The following TEX26 variants were observed in gnomAD, a reference collection of about 807,000 sequenced individuals.
TEX26 encodes testis expressed 26.
A neutral mutation model predicts 35.3 loss-of-function variants in TEX26; 34 were observed. That is an observed-to-expected ratio of 0.96 (90% CI 0.73 to 1.28). The LOEUF (loss-of-function observed/expected upper bound fraction) is 1.28, where lower values mean the gene tolerates loss of function less well. Among genes scored for constraint, TEX26 ranks in the 50% most tolerant of loss-of-function variants. The probability of loss-of-function intolerance (pLI) is 0.00; values close to 1 mark genes in which losing one functional copy is unlikely to be tolerated. For synonymous variants in TEX26, 136 were observed against 111.8 expected (o/e 1.22, Z -1.36); for missense variants, 371 against 330.1 (o/e 1.12, Z -0.96).
intron 4 of TEX26, among the ~76,000 whole-genome samples, chr13:30,957,496 C>A (rs974825679): frequency 6.6e-6 from 1 of 152,158 alleles, no homozygotes; most frequent in Non-Finnish European, 1.5e-5. Context: ...GAGTTCATCC[C>A]AGAAGCAATT....
rs562630509 is a variant in TEX26 at position 30,937,213 on chromosome 13, C to A, written c.62-2481C>A. 2.6e-5 allele frequency among the ~76,000 whole-genome samples: 4 copies of A among 152,240 alleles called. No homozygotes were observed. In the East Asian group the frequency reaches 7.7e-4, roughly 29 times the overall value. Reference sequence around the variant, plus strand: ...TCCGTCAGACTCCTGATCCAGGCACCTGGCAATTGGTGACCCCAGCTGCCA... The same window carrying A: ...TCCGTCAGACTCCTGATCCAGGCACATGGCAATTGGTGACCCCAGCTGCCA... On this transcript the variant is annotated intron_variant, in intron 1 of 6. Coordinates refer to ENST00000380473, the MANE Select transcript of TEX26 (RefSeq NM_152325.3).
At chr13:30,936,471 C>T (rs1953276181) in intron 1 of TEX26, among the ~76,000 whole-genome samples, 1 of 152,214 alleles carries the variant, frequency 6.6e-6, no homozygotes, top group African/African-American at 2.4e-5. Context: ...CAAACATCTA[C>T]TAAATTAAAT....
At chr13:30,942,043 G>A (rs1378749222) in intron 2 of TEX26, among the ~76,000 whole-genome samples, 1 of 152,112 alleles carries the variant, frequency 6.6e-6, no homozygotes, top group Admixed American at 6.5e-5. Context: ...GGCATTGCTG[G>A]ATCAAACGAT....
chr13:30,974,236 G>C (rs191657407), intron 6 of TEX26, among the ~76,000 whole-genome samples: 23 of 150,520 alleles, frequency 1.5e-4, no homozygotes, highest in African/African-American at 4.9e-4. Context: ...AGGCCAGGGA[G>C]GGGGAGTTGA....
chr13:30,937,663 T>A (rs1289598881), intron 1 of TEX26, among the ~76,000 whole-genome samples: 1 of 152,236 alleles, frequency 6.6e-6, no homozygotes, highest in Non-Finnish European at 1.5e-5. Flanking sequence ...TGGAGAATGA[T>A]GTCATTTCTT....
At chr13:30,972,067 A>G (rs1429375723) in intron 6 of TEX26, among the ~76,000 whole-genome samples, 2 of 152,218 alleles carry the variant, frequency 1.3e-5, no homozygotes, top group African/African-American at 2.4e-5. Flanking sequence ...GGAGATAGAC[A>G]CATAGTTAAA....
chr13:30,969,079 A>G, intron 6 of TEX26, 33 bp downstream of exon 6: 1 of 1,565,892 alleles, frequency 6.4e-7, no homozygotes. Flanking sequence ...ACACTTACAG[A>G]TCACAATACA....
At chr13:30,969,675 G>A (rs988557097) in intron 6 of TEX26, among the ~76,000 whole-genome samples, 1 of 152,138 alleles carries the variant, frequency 6.6e-6, no homozygotes, top group Non-Finnish European at 1.5e-5. Context: ...TCCTGCAGCT[G>A]CCTCTCAGCA....
intron 3 of TEX26, among the ~76,000 whole-genome samples, 195 bp downstream of exon 3, chr13:30,953,020 T>C (rs916917271): frequency 6.6e-5 from 10 of 152,202 alleles, no homozygotes; most frequent in African/African-American, 2.4e-4. Context: ...TGGAGTTTTT[T>C]TTAAAAAAGG....
chr13:30,950,772 T>A (rs1018408133), intron 2 of TEX26, among the ~76,000 whole-genome samples: 2 of 152,158 alleles, frequency 1.3e-5, no homozygotes, highest in African/African-American at 4.8e-5. Flanking sequence ...TGGTTCCAAG[T>A]GGAACTTGGA....
chr13:30,962,158 C>T (rs1485242470), intron 4 of TEX26, among the ~76,000 whole-genome samples: 6 of 152,212 alleles, frequency 3.9e-5, no homozygotes, highest in Non-Finnish European at 7.3e-5. Context: ...TGTCCTCTAA[C>T]CCACTGTCCA....
intron 2 of TEX26, among the ~76,000 whole-genome samples, chr13:30,941,751 G>C (rs1385891708): frequency 6.6e-6 from 1 of 152,112 alleles, no homozygotes; most frequent in Non-Finnish European, 1.5e-5. Context: ...TATGGTATTT[G>C]GTTTTCCATT....
intron 6 of TEX26, among the ~76,000 whole-genome samples, chr13:30,969,369 G>A (rs1396657334): frequency 6.6e-6 from 1 of 152,074 alleles, no homozygotes; most frequent in Non-Finnish European, 1.5e-5. Context: ...TTCTCCTTTG[G>A]GTGTTTGTAC....
At chr13:30,968,459 A>T (rs1024278699) in intron 5 of TEX26, among the ~76,000 whole-genome samples, 2 of 152,234 alleles carry the variant, frequency 1.3e-5, no homozygotes, top group Non-Finnish European at 2.9e-5. Flanking sequence ...ACTCTCAAAG[A>T]CAACTTTGCA....
chr13:30,945,034 A>G (rs1002750876), intron 2 of TEX26, among the ~76,000 whole-genome samples: 1 of 152,000 alleles, frequency 6.6e-6, no homozygotes, highest in African/African-American at 2.4e-5. Context: ...TAGTGCTGTC[A>G]ATGGAGTGTT....
chr13:30,937,484 C>G (rs533831721), intron 1 of TEX26, among the ~76,000 whole-genome samples: 2 of 151,220 alleles, frequency 1.3e-5, no homozygotes, highest in East Asian at 3.9e-4. Flanking sequence ...AAGTCCAATG[C>G]CGAAGTTCAA....
intron 1 of TEX26, chr13:30,936,842 G>A: frequency 1.0e-6 from 1 of 985,390 alleles, no homozygotes; most frequent in Non-Finnish European, 1.2e-6. Flanking sequence ...AGAAAGTAGT[G>A]ACTTGCAGAG....
chr13:30,955,838 G>A (rs1003517274), intron 3 of TEX26, among the ~76,000 whole-genome samples: 17 of 152,206 alleles, frequency 1.1e-4, no homozygotes, highest in East Asian at 1.9e-4. Context: ...CTCCCCTCCC[G>A]TCACAGCATG....
chr13:30,972,558 C>G (rs1228071553), intron 6 of TEX26, among the ~76,000 whole-genome samples: 1 of 152,140 alleles, frequency 6.6e-6, no homozygotes, highest in African/African-American at 2.4e-5. Context: ...TGAGAGGAAG[C>G]AGTCAGAACC....
Sources: gnomAD v4.1 joint callset for allele counts (sites outside exome capture counted in the v4.1 genomes callset) on GRCh38, gnomAD v4.1.1 for gene constraint, MANE v1.5 for transcripts, NCBI Gene and HGNC (gene_info 2026-07-23, HGNC 2026-07-21) for gene names.